Variants in NRG1 observed in about 807,000 individuals in gnomAD.
The protein encoded by NRG1 is neuregulin 1, also known as pro-neuregulin-1, membrane-bound isoform.
A neutral mutation model predicts 63.8 loss-of-function variants in NRG1; 18 were observed. That is an observed-to-expected ratio of 0.28 (90% CI 0.19 to 0.42). The LOEUF is 0.42. Ranked by LOEUF, NRG1 falls within the 10% of genes least tolerant of loss-of-function variation. NRG1 has a pLI of 1.00. For missense variants in NRG1, 762 were observed against 814.7 expected, an observed-to-expected ratio of 0.94 and a Z score of 0.79; for synonymous variants, 302 against 301.3, an observed-to-expected ratio of 1.00 and a Z score of -0.02.
Position 31,749,033 on chromosome 8 carries a change from G to A in NRG1, c.37+109602G>A, listed in dbSNP as rs541549503. Among the ~76,000 whole-genome samples, 3 of 151,952 alleles carry A rather than the reference G, an allele frequency of 2.0e-5. No homozygotes were observed. In the East Asian group the frequency reaches 5.8e-4, roughly 30 times the overall value. On this transcript the variant is annotated intron_variant, in intron 1 of 10. Coordinates refer to the NRG1 transcript ENST00000519301. The stretch of plus-strand genomic sequence containing the variant: ...CTAAATGTACAACATTGGAAGAATG[G>A]TTAAGTAAATTGTGCATTATACAAT...
chr8:31,665,966 G>A (rs182506501), intron 1 of NRG1, among the ~76,000 whole-genome samples: 10 of 152,176 alleles, frequency 6.6e-5, no homozygotes, highest in Admixed American at 1.3e-4. Context: ...TTGCCGTTTG[G>A]GAACAAAGCC....
intron 1 of NRG1, among the ~76,000 whole-genome samples, chr8:32,169,978 G>A (rs375319581): frequency 1.3e-5 from 2 of 152,132 alleles, no homozygotes; most frequent in Non-Finnish European, 2.9e-5. Flanking sequence ...AAAAGACAAC[G>A]TAAAGACATA....
chr8:32,147,994 A>G (rs1266428442), intron 1 of NRG1, among the ~76,000 whole-genome samples: 2 of 152,216 alleles, frequency 1.3e-5, no homozygotes, highest in Non-Finnish European at 2.9e-5. Context: ...CTGGATAAAC[A>G]TAGTGGTCAA....
intron 1 of NRG1, among the ~76,000 whole-genome samples, chr8:32,559,261 A>AAAAAAAAAAAAAAAAAAAAAAC (rs1407429105): frequency 6.6e-6 from 1 of 150,842 alleles, no homozygotes. Context: ...AAAAAAAAAA[A>AAAAAAAAAAAAAAAAAAAAAAC]AATCACTACT....
At chr8:32,160,057 G>A (rs1838656472) in intron 1 of NRG1, among the ~76,000 whole-genome samples, 1 of 152,158 alleles carries the variant, frequency 6.6e-6, no homozygotes, top group South Asian at 2.1e-4. Flanking sequence ...CCCCTGCAAG[G>A]CACCTTGTGA....
chr8:32,636,669 G>A (rs1050033708), intron 5 of NRG1, among the ~76,000 whole-genome samples: 3 of 152,090 alleles, frequency 2.0e-5, no homozygotes, highest in African/African-American at 7.2e-5. Flanking sequence ...TCGAAGTATA[G>A]CATTAAGGAA....
intron 1 of NRG1, among the ~76,000 whole-genome samples, chr8:31,955,297 C>T (rs1043143168): frequency 6.6e-6 from 1 of 152,210 alleles, no homozygotes. Flanking sequence ...AGGATCTCCA[C>T]AAACAATGCT....
At chr8:32,153,142 G>A (rs1837682218) in intron 1 of NRG1, among the ~76,000 whole-genome samples, 1 of 152,122 alleles carries the variant, frequency 6.6e-6, no homozygotes. Context: ...GGGATTTGGG[G>A]GATTTCATCA....
chr8:31,823,667 A>G (rs183935922), intron 1 of NRG1, among the ~76,000 whole-genome samples: 17 of 152,310 alleles, frequency 1.1e-4, no homozygotes, highest in Non-Finnish European at 2.2e-4. Flanking sequence ...AGCAAATGAA[A>G]CTGTCACAAT....
At chr8:32,076,295 T>A (rs1586925388) in intron 1 of NRG1, among the ~76,000 whole-genome samples, 3 of 152,330 alleles carry the variant, frequency 2.0e-5, no homozygotes, top group South Asian at 4.1e-4. Flanking sequence ...TTGGTTTTAT[T>A]GACCATTTTT....
intron 1 of NRG1, among the ~76,000 whole-genome samples, chr8:31,999,953 T>G (rs1812656543): frequency 1.3e-5 from 2 of 151,938 alleles, no homozygotes; most frequent in Non-Finnish European, 2.9e-5. Context: ...CATGTATTAT[T>G]TTTAAAACTG....
At chr8:31,692,886 A>G (rs536993686) in intron 1 of NRG1, among the ~76,000 whole-genome samples, 3 of 152,340 alleles carry the variant, frequency 2.0e-5, no homozygotes, top group Admixed American at 1.3e-4. Flanking sequence ...AACAATGCTC[A>G]TCTTAAAACC....
At chr8:32,499,821 A>T (rs1827649135) in intron 1 of NRG1, among the ~76,000 whole-genome samples, 1 of 152,192 alleles carries the variant, frequency 6.6e-6, no homozygotes, top group Non-Finnish European at 1.5e-5. Flanking sequence ...AAACTACGGT[A>T]GTGATAATTC....
rs1051543886 is a variant in NRG1 at position 32,433,755 on chromosome 8, A to C, written c.38-162073A>C. ...TCTTTCCTACTGGTATAAAATTTTCAGTCTCAGTAGGACTAACGCTTTGAC... is the reference window on the plus strand; with the variant it reads ...TCTTTCCTACTGGTATAAAATTTTCCGTCTCAGTAGGACTAACGCTTTGAC... On this transcript the variant is annotated intron_variant, in intron 1 of 10. Coordinates refer to the NRG1 transcript ENST00000519301. 3.3e-5 allele frequency among the ~76,000 whole-genome samples: 5 copies of C among 152,292 alleles called. 1 individual carries two copies. The highest frequency in any genetic ancestry group is 3.4e-3 in the Middle Eastern group (1 of 294).
At chr8:31,769,025 A>G (rs1818353208) in intron 1 of NRG1, among the ~76,000 whole-genome samples, 1 of 152,164 alleles carries the variant, frequency 6.6e-6, no homozygotes, top group Admixed American at 6.5e-5. Flanking sequence ...TATAAAAAAA[A>G]ATTTTCAGGT....
At chr8:32,711,792 T>C (rs1817883486) in intron 5 of NRG1, among the ~76,000 whole-genome samples, 1 of 152,186 alleles carries the variant, frequency 6.6e-6, no homozygotes, top group Admixed American at 6.5e-5. Context: ...AAATGGTAGT[T>C]GTGAGCACAT....
At chr8:31,639,959 C>T in intron 1 of NRG1, 1 of 1,126,620 alleles carries the variant, frequency 8.9e-7, no homozygotes, top group Non-Finnish European at 1.1e-6. Context: ...GAACCGACAG[C>T]CAGAAGCCCG....
chr8:32,307,969 A>G (rs1342294670), intron 1 of NRG1, among the ~76,000 whole-genome samples: 2 of 152,172 alleles, frequency 1.3e-5, no homozygotes, highest in African/African-American at 4.8e-5. Flanking sequence ...GAGGGTTATC[A>G]GGGTTGCTCA....
chr8:32,540,825 GGA>G (rs1832502566), intron 1 of NRG1, among the ~76,000 whole-genome samples: 1 of 152,066 alleles, frequency 6.6e-6, no homozygotes. Context: ...GGAAAGAGTT[GGA>G]GCCAACCCAA....
Sources: gnomAD v4.1 joint callset for allele counts (sites outside exome capture counted in the v4.1 genomes callset) on GRCh38, gnomAD v4.1.1 for gene constraint, MANE v1.5 for transcripts, NCBI Gene and HGNC (gene_info 2026-07-23, HGNC 2026-07-21) for gene names.